ANO6: variants seen among roughly 807,000 people sequenced by gnomAD.
ANO6 encodes the protein anoctamin 6.
ANO6 carries 106 observed loss-of-function variants against 117.5 expected under a neutral mutation model. The ratio of observed to expected loss-of-function variants is 0.90; its 90% CI spans 0.77 to 1.06. The LOEUF is 1.06. ANO6 is among the 50% of genes least tolerant of loss of function. ANO6 has a pLI of 0.00. For synonymous variants in ANO6, 367 were observed against 385.1 expected, an observed-to-expected ratio of 0.95 and a Z score of 0.55; for missense variants, 955 against 1,121.1, an observed-to-expected ratio of 0.85 and a Z score of 2.12.
chr12:45,324,650 CAAAG>C (rs927669284), intron 2 of ANO6, among the ~76,000 whole-genome samples: 12 of 152,244 alleles, frequency 7.9e-5, no homozygotes, highest in African/African-American at 2.9e-4. Flanking sequence ...ATGAGTTCAC[CAAAG>C]AAATTGTACC....
chr12:45,260,891 A>C (rs980721633), intron 1 of ANO6, among the ~76,000 whole-genome samples: 1 of 152,076 alleles, frequency 6.6e-6, no homozygotes, highest in African/African-American at 2.4e-5. Flanking sequence ...GGGCTCAAGC[A>C]ATCCTCTTGC....
intron 2 of ANO6, among the ~76,000 whole-genome samples, chr12:45,329,868 T>C (rs954285390): frequency 6.6e-6 from 1 of 152,148 alleles, no homozygotes; most frequent in Non-Finnish European, 1.5e-5. Flanking sequence ...TAAAGGACTC[T>C]GTGGCTGAAA....
intron 9 of ANO6, among the ~76,000 whole-genome samples, chr12:45,374,854 G>A: frequency 6.6e-6 from 1 of 152,122 alleles, no homozygotes; most frequent in Non-Finnish European, 1.5e-5. Flanking sequence ...TTCTGGCCAG[G>A]GCAATTTGGC....
intron 1 of ANO6, among the ~76,000 whole-genome samples, chr12:45,227,337 A>G (rs1427234297): frequency 2.0e-5 from 3 of 152,216 alleles, no homozygotes; most frequent in South Asian, 2.1e-4. Flanking sequence ...AGATGAACTT[A>G]TATAGGTAAT....
chr12:45,357,432 C>CTGTTTATTCCT lies in ANO6; in HGVS notation c.998+13_998+23dup, dbSNP rs1565716073. On this transcript the variant is annotated intron_variant, in intron 8 of 19. Transcript: ENST00000320560. The stretch of plus-strand genomic sequence containing the variant: ...AGATAACTGTACATGGAGGTAACCT[C>CTGTTTATTCCT]TGTTTATTCCTTGTTGCCATGCTGA... 6.2e-7 allele frequency: 1 copy of CTGTTTATTCCT among 1,613,164 alleles called. No homozygotes were observed. Among genetic ancestry groups the CTGTTTATTCCT allele is most frequent in the East Asian group, 2.2e-5 (1 of 44,868 alleles).
At chr12:45,357,065 C>T (rs1941429690) in intron 7 of ANO6, among the ~76,000 whole-genome samples, 1 of 152,174 alleles carries the variant, frequency 6.6e-6, no homozygotes, top group Admixed American at 6.5e-5. Context: ...AATGTACTTT[C>T]ACCAGGCAAA....
intron 15 of ANO6, among the ~76,000 whole-genome samples, chr12:45,407,542 C>T (rs1277939223): frequency 7.7e-6 from 1 of 129,494 alleles, no homozygotes; most frequent in East Asian, 2.6e-4. Flanking sequence ...TATCTCAGAC[C>T]TTTTAGTTGG....
At chr12:45,363,422 G>C (rs749006949) in intron 8 of ANO6, among the ~76,000 whole-genome samples, 45 of 151,886 alleles carry the variant, frequency 3.0e-4, no homozygotes, top group Non-Finnish European at 6.0e-4. Flanking sequence ...AACTTAGCCG[G>C]GCATGGTGAC....
chr12:45,357,445 G>C, intron 8 of ANO6, 21 bp downstream of exon 8: 1 of 1,612,796 alleles, frequency 6.2e-7, no homozygotes. Flanking sequence ...TTTATTCCTT[G>C]TTGCCATGCT....
intron 1 of ANO6, among the ~76,000 whole-genome samples, chr12:45,239,015 A>G (rs968234042): frequency 6.6e-6 from 1 of 152,052 alleles, no homozygotes; most frequent in Non-Finnish European, 1.5e-5. Context: ...TCTTTCTTGT[A>G]TATCTGCCAG....
chr12:45,277,088 A>G (rs908142816), intron 1 of ANO6, among the ~76,000 whole-genome samples: 1 of 152,118 alleles, frequency 6.6e-6, no homozygotes, highest in African/African-American at 2.4e-5. Context: ...TTATCTATTG[A>G]TGCAGAAGTA....
intron 9 of ANO6, among the ~76,000 whole-genome samples, chr12:45,377,606 T>G (rs1391977310): frequency 6.6e-6 from 1 of 152,232 alleles, no homozygotes; most frequent in African/African-American, 2.4e-5. Context: ...ACAGGAATTC[T>G]GAAACTTACC....
chr12:45,262,842 T>C (rs1472213255), intron 1 of ANO6, among the ~76,000 whole-genome samples: 1 of 152,196 alleles, frequency 6.6e-6, no homozygotes, highest in Admixed American at 6.5e-5. Flanking sequence ...CCAGAAGACA[T>C]TCAACAGATA....
At chr12:45,394,870 T>A (rs1288947127) in intron 12 of ANO6, among the ~76,000 whole-genome samples, 1 of 152,170 alleles carries the variant, frequency 6.6e-6, no homozygotes, top group Non-Finnish European at 1.5e-5. Context: ...TTTATAGCAC[T>A]AAATGCCCAC....
At chr12:45,334,673 C>T (rs540409259) in intron 3 of ANO6, among the ~76,000 whole-genome samples, 1 of 152,082 alleles carries the variant, frequency 6.6e-6, no homozygotes, top group Admixed American at 6.6e-5. Flanking sequence ...TCACAGAATA[C>T]CTAAAGAACA....
chr12:45,424,336 T>TG (rs1943443275), intron 19 of ANO6, among the ~76,000 whole-genome samples: 4 of 123,488 alleles, frequency 3.2e-5, no homozygotes, highest in African/African-American at 6.0e-5. Flanking sequence ...GGTTTTTTTT[T>TG]TTTTTTTTTT....
chr12:45,336,419 A>G (rs2137416203), intron 3 of ANO6, among the ~76,000 whole-genome samples: 2 of 152,196 alleles, frequency 1.3e-5, no homozygotes, highest in South Asian at 4.1e-4. Flanking sequence ...TTAATACTAC[A>G]TTAAATTATT....
chr12:45,407,253 G>A (rs201969015), intron 15 of ANO6, among the ~76,000 whole-genome samples: 1 of 152,188 alleles, frequency 6.6e-6, no homozygotes, highest in Non-Finnish European at 1.5e-5. Flanking sequence ...GACACAAGTA[G>A]TTGCCAGGAC....
chr12:45,311,494 A>C (rs1939849401), intron 2 of ANO6, among the ~76,000 whole-genome samples: 1 of 152,098 alleles, frequency 6.6e-6, no homozygotes, highest in South Asian at 2.1e-4. Flanking sequence ...CTGACTTTAA[A>C]AGGGGAGCAT....
Sources: allele counts gnomAD v4.1 joint callset (sites outside exome capture counted in the v4.1 genomes callset), GRCh38; gene constraint gnomAD v4.1.1; transcripts MANE v1.5; gene names NCBI Gene and HGNC (gene_info 2026-07-23, HGNC 2026-07-21).